SPATA6: variants seen among roughly 807,000 people sequenced by gnomAD.
The protein encoded by SPATA6 is spermatogenesis associated 6.
A neutral mutation model predicts 65.3 loss-of-function variants in SPATA6; 56 were observed. The observed-to-expected ratio is 0.86, with a 90% CI of 0.69 to 1.07. SPATA6 has a LOEUF of 1.07. SPATA6 is among the 50% of genes least tolerant of loss of function. SPATA6 has a pLI of 0.00. For synonymous variants in SPATA6, 199 were observed against 213.2 expected, an observed-to-expected ratio of 0.93 and a Z score of 0.58; for missense variants, 590 against 594.8, an observed-to-expected ratio of 0.99 and a Z score of 0.08.
intron 11 of SPATA6, among the ~76,000 whole-genome samples, chr1:48,313,343 C>T (rs1200567596): frequency 6.6e-6 from 1 of 152,198 alleles, no homozygotes; most frequent in Non-Finnish European, 1.5e-5. Flanking sequence ...AACAGCTGAT[C>T]TCTTGGCAGA....
intron 7 of SPATA6, among the ~76,000 whole-genome samples, chr1:48,396,142 A>C (rs1650566836): frequency 6.6e-6 from 1 of 151,838 alleles, no homozygotes; most frequent in African/African-American, 2.4e-5. Flanking sequence ...GACAGAAATC[A>C]AAATCATAGT....
chr1:48,407,772 T>A (rs898268662), intron 5 of SPATA6, among the ~76,000 whole-genome samples: 21 of 152,222 alleles, frequency 1.4e-4, no homozygotes, highest in African/African-American at 4.3e-4. Context: ...CAAACTGCCA[T>A]TCGTAGAAGT....
intron 2 of SPATA6, 27 bp downstream of exon 2, chr1:48,452,966 TA>T: frequency 6.2e-7 from 1 of 1,602,350 alleles, no homozygotes; most frequent in South Asian, 1.1e-5. Flanking sequence ...TTTTGTTTGT[TA>T]ATACTTGATC....
chr1:48,277,496 G>A, the SPATA6 span, among the ~76,000 whole-genome samples: 7 of 152,326 alleles, frequency 4.6e-5, no homozygotes, highest in South Asian at 2.1e-4. Context: ...CTTTTCCGAC[G>A]GGCTTAAAAA....
chr1:48,304,022 A>G (rs1437086243), intron 12 of SPATA6, among the ~76,000 whole-genome samples: 1 of 152,226 alleles, frequency 6.6e-6, no homozygotes, highest in Non-Finnish European at 1.5e-5. Flanking sequence ...TTCTGCTGAC[A>G]GAAACCTCAA....
intron 1 of SPATA6, among the ~76,000 whole-genome samples, chr1:48,455,192 C>CCCAGAGATA (rs1280773463): frequency 6.6e-6 from 1 of 151,984 alleles, no homozygotes; most frequent in Non-Finnish European, 1.5e-5. Flanking sequence ...GCCAATTACG[C>CCCAGAGATA]CCAGAGATAC....
the SPATA6 span, among the ~76,000 whole-genome samples, chr1:48,283,120 G>A: frequency 6.9e-6 from 1 of 144,372 alleles, no homozygotes; most frequent in Non-Finnish European, 1.5e-5. Flanking sequence ...ACTCATAGGT[G>A]GGAATTGAAC....
chr1:48,334,795 A>G (rs996826838), intron 11 of SPATA6, among the ~76,000 whole-genome samples: 2 of 152,132 alleles, frequency 1.3e-5, no homozygotes, highest in African/African-American at 2.4e-5. Context: ...GCAATCAGAC[A>G]AGAGAGAGAA....
the SPATA6 span, among the ~76,000 whole-genome samples, chr1:48,278,975 C>G: frequency 6.6e-6 from 1 of 151,856 alleles, no homozygotes; most frequent in Non-Finnish European, 1.5e-5. Context: ...AAACTAACAG[C>G]GGATCTCTCG....
chr1:48,312,151 G>GA (rs1327487574), intron 11 of SPATA6, among the ~76,000 whole-genome samples: 14 of 152,196 alleles, frequency 9.2e-5, no homozygotes, highest in Admixed American at 3.3e-4. Context: ...AGGGAATAGC[G>GA]AAACAAAAGG....
intron 2 of SPATA6, 123 bp from the exon 3 acceptor site, chr1:48,451,723 T>A (rs555772704): frequency 8.8e-4 from 723 of 825,868 alleles, no homozygotes; most frequent in Non-Finnish European, 1.3e-3. Context: ...GAACTGTCAG[T>A]TCCTCTCTCC....
At chr1:48,447,192 A>G (rs1656135839) in intron 3 of SPATA6, among the ~76,000 whole-genome samples, 1 of 152,208 alleles carries the variant, frequency 6.6e-6, no homozygotes, top group African/African-American at 2.4e-5. Context: ...GGTCAAGAAT[A>G]GGTTATTAGT....
chr1:48,366,425 C>T (rs528229745), intron 9 of SPATA6, among the ~76,000 whole-genome samples: 1 of 152,276 alleles, frequency 6.6e-6, no homozygotes, highest in Non-Finnish European at 1.5e-5. Context: ...TCCATCTGGT[C>T]ATGGACTCTC....
At chr1:48,291,551 C>T (rs566349153), downstream of SPATA6, among the ~76,000 whole-genome samples, 10 of 151,974 alleles carry the variant, frequency 6.6e-5, no homozygotes, top group East Asian at 1.7e-3. Flanking sequence ...CCACACAGCC[C>T]GCAGACGAAA....
At chr1:48,434,636 G>A (rs1654720985) in intron 3 of SPATA6, among the ~76,000 whole-genome samples, 2 of 152,150 alleles carry the variant, frequency 1.3e-5, no homozygotes, top group African/African-American at 4.8e-5. Flanking sequence ...TGGAGGAAGA[G>A]CTTTTCAGGC....
rs1192930052 is a variant in SPATA6, at chr1:48,436,665, G to A, written c.238+14887C>T. 3.1e-6 allele frequency: 5 copies of A among 1,614,054 alleles called. No individual in the cohort carries two copies. In the South Asian group the frequency reaches 4.4e-5, roughly 14 times the overall value. On this transcript the variant is annotated intron_variant, in intron 3 of 12. Coordinates refer to ENST00000371847, the MANE Select transcript of SPATA6 (RefSeq NM_019073.4). ...TCAGCACATCAGTGCAGCCGTGGCT[G>A]AGTCCAGAACTACTGAGACAGGATT...
At chr1:48,389,217 A>G (rs1649804918) in intron 8 of SPATA6, among the ~76,000 whole-genome samples, 1 of 152,206 alleles carries the variant, frequency 6.6e-6, no homozygotes, top group Non-Finnish European at 1.5e-5. Flanking sequence ...ACTTGGAGAT[A>G]GGTATTTTGA....
chr1:48,337,919 A>G (rs1646104381), intron 11 of SPATA6, among the ~76,000 whole-genome samples: 5 of 151,986 alleles, frequency 3.3e-5, no homozygotes, highest in Admixed American at 3.3e-4. Flanking sequence ...GCATAGATTC[A>G]ATGTAGTCTC....
chr1:48,269,599 T>C, the SPATA6 span, among the ~76,000 whole-genome samples: 1,480 of 152,232 alleles, frequency 9.7e-3, 24 homozygotes, highest in South Asian at 0.05. Context: ...TCATAACACT[T>C]ATCTGAAGAA....
Sources: gnomAD v4.1 joint callset for allele counts (sites outside exome capture counted in the v4.1 genomes callset) on GRCh38, gnomAD v4.1.1 for gene constraint, MANE v1.5 for transcripts, NCBI Gene and HGNC (gene_info 2026-07-23, HGNC 2026-07-21) for gene names.